The following DACT2 variants were observed in gnomAD, a reference collection of about 807,000 sequenced individuals.
DACT2 encodes the protein dapper homolog 2.
DACT2 carries 20 observed loss-of-function variants against 22.2 expected under a neutral mutation model. The ratio of observed to expected loss-of-function variants is 0.90; its 90% CI spans 0.63 to 1.31. The LOEUF (loss-of-function observed/expected upper bound fraction) is 1.31, where lower values mean the gene tolerates loss of function less well. Ranked by LOEUF, DACT2 falls within the 50% of genes most tolerant of loss-of-function variation. DACT2 has a pLI of 0.00. For synonymous variants in DACT2, 463 were observed against 479.8 expected (o/e 0.96, Z 0.46); for missense variants, 1,048 against 1,061.4 (o/e 0.99, Z 0.18).
At chr6:168,315,125 G>A (rs1779513359) in intron 1 of DACT2, among the ~76,000 whole-genome samples, 1 of 152,212 alleles carries the variant, frequency 6.6e-6, no homozygotes, top group Non-Finnish European at 1.5e-5. Context: ...CAGGGAAAAG[G>A]AATTGTTGCA....
chr6:168,312,070 TAGA>T (rs377754785), intron 1 of DACT2, among the ~76,000 whole-genome samples: 94 of 152,322 alleles, frequency 6.2e-4, no homozygotes, highest in African/African-American at 2.1e-3. Context: ...CCTTCCCTGA[TAGA>T]AGAAGTAGCA....
In DACT2 at chr6:168,319,525, C is replaced by T. The variant is rs1395372488; in HGVS notation, c.109G>A (p.Ala37Thr). The change falls in exon 1 of 4, where the codon GCC becomes ACC. Residue 37 changes from alanine to threonine, a missense_variant. Physicochemically the swap from Ala to Thr is moderately conservative, Grantham distance 58. Coordinates refer to ENST00000366795, the MANE Select transcript of DACT2 (RefSeq NM_214462.5). ...AGLQELQGLR[A>T]TQQERVRGAL... Reference sequence around the variant, plus strand: ...CCCCGTACCCGCTCCTGCTGCGTGGCTCGCAGCCCCTGCAGCTCCTGCAGC... The same window carrying T: ...CCCCGTACCCGCTCCTGCTGCGTGGTTCGCAGCCCCTGCAGCTCCTGCAGC... 7.3e-7 allele frequency: 1 copy of T among 1,363,506 alleles called. No homozygotes were observed. The highest frequency in any genetic ancestry group is 1.5e-5 in the African/African-American group (1 of 66,564). The allele number at this position is 1,363,506 out of a possible 1,614,324, so 84.5% of individuals were successfully genotyped here. A position where few individuals can be genotyped will look rare whatever the true frequency, so the allele number is the denominator to read the frequency against.
rs1376768859 is a variant in DACT2 at position 168,309,107 on chromosome 6, G to A, written c.659-9C>T. On this transcript the variant is annotated splice_polypyrimidine_tract_variant and intron_variant, in intron 3 of 3. Transcript: ENST00000366795. ...GGCTCTGTCAAGATCACCTGGGAGC[G>A]AGAAAAATGAACAAACACGTAACTA... The A allele has an allele frequency of 1.8e-5, 27 of 1,502,168 alleles. No homozygotes were observed. The highest frequency in any genetic ancestry group is 9.7e-5 in the African/African-American group (7 of 71,858). 93.1% of individuals were successfully genotyped at this position (1,502,168 alleles called of 1,614,324 possible).
At chr6:168,316,198 C>G (rs1291122697) in intron 1 of DACT2, among the ~76,000 whole-genome samples, 3 of 152,282 alleles carry the variant, frequency 2.0e-5, no homozygotes, top group African/African-American at 7.2e-5. Flanking sequence ...CCAAGTTAAT[C>G]ATCACCTGCA....
rs1483510655 is a variant in DACT2 at position 168,319,688 on chromosome 6, C to T, written c.-55G>A. ...CCCACGAGCGGCGCCGGAGGCCCAG[C>T]GCGCGCGGATCCCGAGCTGTGTCGC... On this transcript the variant is annotated 5_prime_UTR_variant, in exon 1 of 4. Coordinates refer to ENST00000366795, the MANE Select transcript of DACT2 (RefSeq NM_214462.5). 8 of 1,191,146 alleles carry T rather than the reference C, an allele frequency of 6.7e-6. No individual in the cohort carries two copies. The East Asian group carries it at 2.1e-4, about 32-fold the overall frequency. The allele number at this position is 1,191,146 out of a possible 1,614,324, so 73.8% of individuals were successfully genotyped here.
At chr6:168,315,292 G>A (rs1261345227) in intron 1 of DACT2, among the ~76,000 whole-genome samples, 12 of 152,152 alleles carry the variant, frequency 7.9e-5, no homozygotes, top group Non-Finnish European at 1.6e-4. Context: ...TCTACTCATG[G>A]GCCCTGAGTT....
In DACT2 at chr6:168,308,094, C is replaced by T. The variant is rs2114905079; in HGVS notation, c.1663G>A (p.Glu555Lys). 1.9e-6 allele frequency: 3 copies of T among 1,545,196 alleles called. No homozygotes were observed. Among genetic ancestry groups the T allele is most frequent in the Non-Finnish European group, 2.6e-6 (3 of 1,143,384 alleles). Reference protein sequence around the residue: ...GLQRRPALAWEAPGRSCSEST... With the variant: ...GLQRRPALAWKAPGRSCSEST... ...TCAGAACAGGAGCGCCCGGGTGCCT[C>T]CCAGGCCAGGGCTGGCCTCCGCTGG... Residue 555 changes from glutamate (E) to lysine (K), a missense_variant, in exon 4 of 4, where the codon GAG becomes AAG. By Grantham distance (56) the Glu-to-Lys change is moderately conservative. Transcript: ENST00000366795.
intron 3 of DACT2, among the ~76,000 whole-genome samples, chr6:168,309,353 C>A (rs767671093): frequency 4.6e-5 from 7 of 151,740 alleles, no homozygotes; most frequent in Non-Finnish European, 8.8e-5. Flanking sequence ...GGGTGCAGGG[C>A]CTCATTTGCA....
chr6:168,311,613 C>CCCAT (rs1779418509), intron 1 of DACT2, among the ~76,000 whole-genome samples: 1 of 141,010 alleles, frequency 7.1e-6, no homozygotes, highest in Admixed American at 7.1e-5. Flanking sequence ...CACACTCACA[C>CCCAT]AAACACACAC....
chr6:168,293,902 G>C (rs1298820152), exon 6 of DACT2: 3 of 703,304 alleles, frequency 4.3e-6, no homozygotes, highest in Admixed American at 2.0e-5. Context: ...TGTCATTGCT[G>C]TCTTGAAATT....
chr6:168,300,982 TCAAAAAA>T (rs1265567285), intron 3 of DACT2, among the ~76,000 whole-genome samples: 3 of 149,098 alleles, frequency 2.0e-5, no homozygotes, highest in Admixed American at 6.6e-5. Context: ...TGACTCTGTC[TCAAAAAA>T]CAAACAAACA....
At chr6:168,293,904 C>G in exon 6 of DACT2, 2 of 703,404 alleles carry the variant, frequency 2.8e-6, no homozygotes, top group Non-Finnish European at 2.6e-6. Flanking sequence ...TCATTGCTGT[C>G]TTGAAATTCC....
chr6:168,295,633 G>T (rs1184030802), intron 3 of DACT2, among the ~76,000 whole-genome samples: 1 of 152,158 alleles, frequency 6.6e-6, no homozygotes, highest in Non-Finnish European at 1.5e-5. Context: ...CTGACATGAA[G>T]ACTTGTTATG....
chr6:168,301,603 A>G (rs543035062), intron 3 of DACT2, among the ~76,000 whole-genome samples: 1 of 152,082 alleles, frequency 6.6e-6, no homozygotes, highest in Non-Finnish European at 1.5e-5. Context: ...TCCACTCGGG[A>G]CCAACCAGAG....
At chr6:168,305,383 G>A (rs9456048), downstream of DACT2, among the ~76,000 whole-genome samples, 2,518 of 152,232 alleles carry the variant, frequency 0.017, 76 homozygotes, top group African/African-American at 0.056. Flanking sequence ...ACCCTGAGGA[G>A]CCCAGACCCA....
rs1779225974 is a variant in DACT2 at position 168,307,088 on chromosome 6, C to T, written c.*344G>A. On this transcript the variant is annotated 3_prime_UTR_variant, in exon 4 of 4. Coordinates refer to ENST00000366795, the MANE Select transcript of DACT2 (RefSeq NM_214462.5). The surrounding 1 kb of genome is among the most constrained non-coding windows in gnomAD (Gnocchi z 5.3). ...AAAGGATTGGGAAACACTTCCCCAG[C>T]CAGAGGGGAGTGAGGGCAGGGGAAG... 14 of 1,076,068 alleles carry T rather than the reference C, an allele frequency of 1.3e-5. No homozygotes were observed. Among genetic ancestry groups the T allele is most frequent in the Non-Finnish European group, 1.6e-5 (14 of 887,380 alleles). The allele number at this position is 1,076,068 out of a possible 1,614,324, so 66.7% of individuals were successfully genotyped here.
chr6:168,309,450 G>GACACAGGGTGCGGGGCCGTTTGCGTA (rs1779338253), intron 3 of DACT2, among the ~76,000 whole-genome samples: 18 of 140,970 alleles, frequency 1.3e-4, no homozygotes, highest in South Asian at 6.6e-4. Flanking sequence ...CCGTTTGCGT[G>GACACAGGGTGCGGGGCCGTTTGCGTA]TAGACACAGG....
chr6:168,304,863 C>T (rs1779173104), downstream of DACT2, among the ~76,000 whole-genome samples: 1 of 152,216 alleles, frequency 6.6e-6, no homozygotes. Flanking sequence ...AGGCAAGGAG[C>T]CAGGGTGCCG....
rs1193736266 is a variant in DACT2, at chr6:168,308,106, C to T, written c.1651G>A (p.Ala551Thr). 1 of 1,545,926 alleles carries T rather than the reference C, an allele frequency of 6.5e-7. No individual in the cohort carries two copies. The highest frequency in any genetic ancestry group is 8.7e-7 in the Non-Finnish European group (1 of 1,144,202). Residue 551 changes from alanine (A) to threonine (T), a missense_variant, in exon 4 of 4, where the codon GCC (alanine) becomes ACC (threonine). Ala to Thr is a moderately conservative substitution (Grantham distance 58, BLOSUM62 0). Transcript: ENST00000366795. ...TGRGGLQRRP[A>T]LAWEAPGRSC... ...CGCCCGGGTGCCTCCCAGGCCAGGG[C>T]TGGCCTCCGCTGGAGCCCGCCCCTC... is the stretch of plus-strand genomic sequence containing the variant.
Sources: gnomAD v4.1 joint callset for allele counts (sites outside exome capture counted in the v4.1 genomes callset) on GRCh38, gnomAD v4.1.1 for gene constraint, Gnocchi (gnomAD v3.1) non-coding constraint, MANE v1.5 for transcripts, NCBI Gene and HGNC (gene_info 2026-07-23, HGNC 2026-07-21) for gene names.